Variants in KDM2B observed in about 807,000 individuals in gnomAD.
KDM2B encodes the protein lysine demethylase 2B.
Under a neutral mutation model 150.0 loss-of-function variants are expected in KDM2B, and 26 were observed. That is an observed-to-expected ratio of 0.17 (90% CI 0.13 to 0.24). The LOEUF (loss-of-function observed/expected upper bound fraction) is 0.24, where lower values mean the gene tolerates loss of function less well. Ranked by LOEUF, KDM2B falls within the 10% of genes least tolerant of loss-of-function variation. The pLI is 1.00. For missense variants in KDM2B, 1,265 were observed against 1,816.9 expected (o/e 0.70, Z 5.52); for synonymous variants, 734 against 729.5 (o/e 1.01, Z -0.10).
intron 4 of KDM2B, among the ~76,000 whole-genome samples, chr12:121,573,014 C>T (rs956511390): frequency 1.3e-4 from 19 of 151,534 alleles, no homozygotes; most frequent in Non-Finnish European, 2.2e-4. Context: ...TCAGTAGAGA[C>T]GGGGTTTCAC....
downstream of KDM2B, among the ~76,000 whole-genome samples, chr12:121,426,480 G>T (rs1872519405): frequency 7.4e-6 from 1 of 134,844 alleles, no homozygotes; most frequent in Admixed American, 7.9e-5. Flanking sequence ...GAGTCTTGCT[G>T]TTGCCCACCC....
intron 4 of KDM2B, among the ~76,000 whole-genome samples, chr12:121,562,080 G>C (rs1297559987): frequency 1.3e-5 from 2 of 151,692 alleles, no homozygotes; most frequent in Non-Finnish European, 2.9e-5. Context: ...GCTGAGGCAG[G>C]AGAAGCTTGA....
chr12:121,488,458 A>G (rs944335344), intron 12 of KDM2B, among the ~76,000 whole-genome samples: 21 of 152,144 alleles, frequency 1.4e-4, no homozygotes, highest in African/African-American at 5.1e-4. Flanking sequence ...CGCTGTTAGC[A>G]CCTTTCACAG....
intron 4 of KDM2B, among the ~76,000 whole-genome samples, chr12:121,554,062 CA>C (rs1889717690): frequency 1.3e-5 from 2 of 151,174 alleles, no homozygotes; most frequent in African/African-American, 2.4e-5. Context: ...CACACACACA[CA>C]CACACACACA....
chr12:121,423,458 A>G, the KDM2B span: 1 of 1,613,732 alleles, frequency 6.2e-7, no homozygotes, highest in Admixed American at 1.7e-5. The surrounding 1 kb of genome is among the most constrained non-coding windows in gnomAD (Gnocchi z 4.3). Flanking sequence ...GCCGTCATCG[A>G]CTGTGTCCTA....
At position 121,467,448 on chromosome 12, in the gene KDM2B, G is replaced by T. The variant is rs1295337421; in HGVS notation, c.1735-14104C>A. ...GCATATGCATGAGGCGAGCCAGGAA[G>T]GGGCTGGCCCCCCGGGCGGGCGGGC... is the stretch of plus-strand genomic sequence containing the variant. On this transcript the variant is annotated intron_variant, in intron 12 of 22. Transcript: ENST00000377071. This position sits in a 1 kb window ranked among gnomAD's most constrained non-coding sequence, Gnocchi z 5.1. The T allele has an allele frequency of 5.5e-6, 4 of 725,368 alleles. No homozygotes were observed. Among genetic ancestry groups the T allele is most frequent in the African/African-American group, 1.9e-5 (1 of 51,770 alleles). 44.9% of individuals were successfully genotyped at this position (725,368 alleles called of 1,614,324 possible).
intron 22 of KDM2B, 105 bp downstream of exon 22, chr12:121,439,752 A>C (rs1874663700): frequency 1.2e-6 from 1 of 817,508 alleles, no homozygotes; most frequent in Non-Finnish European, 2.0e-6. Flanking sequence ...GACACCTAGC[A>C]CTGTGACCAC....
At chr12:121,486,963 AC>A (rs374979806) in intron 12 of KDM2B, among the ~76,000 whole-genome samples, 9,603 of 151,232 alleles carry the variant, frequency 0.063, 331 homozygotes, top group Middle Eastern at 0.099. Flanking sequence ...ACATAGTGAG[AC>A]CCCCCCGATA....
chr12:121,432,785 A>G (rs544635512), intron 22 of KDM2B, among the ~76,000 whole-genome samples: 1 of 152,354 alleles, frequency 6.6e-6, no homozygotes, highest in East Asian at 1.9e-4. Flanking sequence ...CCTTACTCAG[A>G]TGCAGCTATG....
At chr12:121,437,887 A>ATT (rs200245718) in intron 22 of KDM2B, among the ~76,000 whole-genome samples, 9,832 of 148,020 alleles carry the variant, frequency 0.066, 458 homozygotes, top group Middle Eastern at 0.11. Context: ...TGAGAGGGGA[A>ATT]TTTTTTTTTT....
At chr12:121,511,974 A>G (rs1455115054) in intron 10 of KDM2B, among the ~76,000 whole-genome samples, 1 of 152,174 alleles carries the variant, frequency 6.6e-6, no homozygotes, top group Admixed American at 6.5e-5. Context: ...CTGATTACCC[A>G]AGCACCACCT....
At chr12:121,461,222 A>G (rs1555293699) in intron 12 of KDM2B, among the ~76,000 whole-genome samples, 1 of 152,170 alleles carries the variant, frequency 6.6e-6, no homozygotes, top group Non-Finnish European at 1.5e-5. Flanking sequence ...AAGGAAGAAC[A>G]AGAGAGAGAT....
At chr12:121,514,501 T>A (rs1885865409) in intron 9 of KDM2B, among the ~76,000 whole-genome samples, 1 of 151,588 alleles carries the variant, frequency 6.6e-6, no homozygotes, top group Non-Finnish European at 1.5e-5. Context: ...AACACAAGGA[T>A]GGAAAGAGGT....
intron 22 of KDM2B, chr12:121,433,046 G>A: frequency 2.3e-6 from 1 of 438,086 alleles, no homozygotes; most frequent in South Asian, 1.6e-5. Flanking sequence ...CACTTGGTGT[G>A]AAGTGAGACC....
Position 121,468,242 on chromosome 12 carries a change from T to C in KDM2B, c.1735-14898A>G, listed in dbSNP as rs1555295272. 6.6e-6 allele frequency: 1 copy of C among 152,200 alleles called. No homozygotes were observed. Among genetic ancestry groups the C allele is most frequent in the African/African-American group, 2.4e-5 (1 of 41,388 alleles). 9.4% of individuals were successfully genotyped at this position (152,200 alleles called of 1,614,324 possible). On this transcript the variant is annotated intron_variant, in intron 12 of 22. Transcript: ENST00000377071. The surrounding 1 kb of genome is among the most constrained non-coding windows in gnomAD (Gnocchi z 4.0). ...TTTCTGAATTCTTAAGCTGCAAAGG[T>C]TCCTAGTGCTCACTCCAGCTGCAGC...
intron 1 of KDM2B, chr12:121,580,160 TAAAG>T: frequency 7.1e-7 from 1 of 1,409,638 alleles, no homozygotes; most frequent in East Asian, 2.6e-5. Flanking sequence ...AATAAATAAA[TAAAG>T]CAAGCCAGAG....
chr12:121,575,675 T>C lies in KDM2B; in HGVS notation c.350+106A>G, dbSNP rs1355708045. On this transcript the variant is annotated intron_variant, in intron 3 of 22. Transcript: ENST00000377071. The surrounding 1 kb of genome is among the most constrained non-coding windows in gnomAD (Gnocchi z 4.4). ...GTTCCCAGATCGTGAAAAAAGATCCTTCTCAGTGATGAGAGGTGGGAAGAG... is the reference window on the plus strand; with the variant it reads ...GTTCCCAGATCGTGAAAAAAGATCCCTCTCAGTGATGAGAGGTGGGAAGAG... 1.7e-5 allele frequency: 14 copies of C among 824,284 alleles called. No homozygotes were observed. The highest frequency in any genetic ancestry group is 2.3e-5 in the Non-Finnish European group (11 of 475,334). 51.1% of individuals were successfully genotyped at this position (824,284 alleles called of 1,614,324 possible). A position where few individuals can be genotyped will look rare whatever the true frequency, so the allele number is the denominator to read the frequency against.
chr12:121,498,096 AAAAT>A (rs547947681), intron 11 of KDM2B, among the ~76,000 whole-genome samples: 16 of 152,036 alleles, frequency 1.1e-4, no homozygotes, highest in African/African-American at 1.5e-4. Context: ...ACTTTGTCTC[AAAAT>A]AAATAAATAA....
rs1886429855 is a variant in KDM2B at position 121,518,615 on chromosome 12, G to T, written c.1047+2370C>A. On this transcript the variant is annotated intron_variant, in intron 9 of 22. Coordinates refer to ENST00000377071, the MANE Select transcript of KDM2B (RefSeq NM_032590.5). The surrounding 1 kb of genome is among the most constrained non-coding windows in gnomAD (Gnocchi z 4.4). Reference sequence around the variant, plus strand: ...CGGCCAGCACCCTGCCAGTCGTCATGGGTGGGGGAAGGGACCTGGGCTCCT... The same window carrying T: ...CGGCCAGCACCCTGCCAGTCGTCATTGGTGGGGGAAGGGACCTGGGCTCCT... Among the ~76,000 whole-genome samples the T allele has an allele frequency of 6.6e-6, 1 of 152,182 alleles. No individual in the cohort carries two copies. The highest frequency in any genetic ancestry group is 1.5e-5 in the Non-Finnish European group (1 of 68,040).
Sources: allele counts gnomAD v4.1 joint callset (sites outside exome capture counted in the v4.1 genomes callset), GRCh38; gene constraint gnomAD v4.1.1; non-coding constraint Gnocchi (gnomAD v3.1); transcripts MANE v1.5; gene names NCBI Gene and HGNC (gene_info 2026-07-23, HGNC 2026-07-21).